The following LRRC37A3 variants were observed in gnomAD, a reference collection of about 807,000 sequenced individuals.
The protein encoded by LRRC37A3 is leucine-rich repeat-containing protein 37A3.
In LRRC37A3, 25 loss-of-function variants were observed where a neutral mutation model predicts 106.2. The observed-to-expected ratio is 0.24, with a 90% CI of 0.17 to 0.33. LRRC37A3 has a LOEUF of 0.33. LRRC37A3 is among the 10% of genes least tolerant of loss of function. LRRC37A3 has a pLI of 1.00. For missense variants in LRRC37A3, 712 were observed against 1,644.9 expected, an observed-to-expected ratio of 0.43 and a Z score of 9.81; for synonymous variants, 305 against 635.8, an observed-to-expected ratio of 0.48 and a Z score of 7.83.
At chr17:64,913,336 GGT>G (rs1974631994) in intron 2 of LRRC37A3, among the ~76,000 whole-genome samples, 3 of 125,418 alleles carry the variant, frequency 2.4e-5, no homozygotes, top group African/African-American at 9.6e-5. Flanking sequence ...GCCTATTTTG[GGT>G]TTTTTTTTTT....
chr17:64,916,421 A>C (rs1035498955), intron 2 of LRRC37A3, among the ~76,000 whole-genome samples: 18 of 152,086 alleles, frequency 1.2e-4, no homozygotes, highest in Non-Finnish European at 2.1e-4. Context: ...TAAATAAATA[A>C]AATAAAATAA....
intron 2 of LRRC37A3, among the ~76,000 whole-genome samples, chr17:64,910,804 G>A (rs1350188277): frequency 6.7e-6 from 1 of 148,940 alleles, no homozygotes; most frequent in Non-Finnish European, 1.5e-5. Flanking sequence ...ACCACACCCG[G>A]CTAATTTTTA....
chr17:64,888,405 T>TA (rs1395617109), intron 6 of LRRC37A3, among the ~76,000 whole-genome samples: 1 of 151,810 alleles, frequency 6.6e-6, no homozygotes, highest in Non-Finnish European at 1.5e-5. Flanking sequence ...AGTTATTTTT[T>TA]ATCCCATTTC....
chr17:64,918,943 G>A, intron 1 of LRRC37A3, 73 bp from the exon 2 acceptor site: 4 of 1,023,342 alleles, frequency 3.9e-6, no homozygotes, highest in East Asian at 3.5e-5. Context: ...GTTGACGGCC[G>A]TCCGGACCTG....
intron 8 of LRRC37A3, among the ~76,000 whole-genome samples, chr17:64,874,693 G>A (rs1466400329): frequency 6.6e-6 from 1 of 152,250 alleles, no homozygotes; most frequent in Admixed American, 6.5e-5. Flanking sequence ...AAATCAGATT[G>A]TTGCTGTGTC....
intron 10 of LRRC37A3, among the ~76,000 whole-genome samples, chr17:64,864,024 T>TC (rs766758927): frequency 6.6e-5 from 10 of 150,670 alleles, no homozygotes; most frequent in Non-Finnish European, 1.3e-4. Context: ...TGACAGAGTT[T>TC]CCCCATGTTG....
At chr17:64,881,097 C>T in intron 8 of LRRC37A3, 1 of 700,856 alleles carries the variant, frequency 1.4e-6, no homozygotes, top group Non-Finnish European at 2.6e-6. Context: ...TAACCTCTTT[C>T]CTTTATTCAT....
intron 5 of LRRC37A3, among the ~76,000 whole-genome samples, chr17:64,891,245 AAACTC>A (rs1973946789): frequency 9.3e-6 from 1 of 108,012 alleles, no homozygotes; most frequent in Non-Finnish European, 1.7e-5. Flanking sequence ...AAAGGCCAGA[AAACTC>A]AGAGAAGAAA....
Position 64,855,916 on chromosome 17 carries a change from A to C in LRRC37A3, c.4810-27T>G, listed in dbSNP as rs557030427. The C allele has an allele frequency of 3.0e-5, 49 of 1,611,594 alleles. 1 individual carries two copies. In the South Asian group the frequency reaches 5.3e-4, roughly 17 times the overall value. ...TGTTTTAGAAGAAAACGCAATTAAG[A>C]TTATCTATGACAACAACCACCATCT... On this transcript the variant is annotated intron_variant, in intron 13 of 14. Coordinates refer to ENST00000584306, the MANE Select transcript of LRRC37A3 (RefSeq NM_199340.5).
At position 64,858,313 on chromosome 17, in the gene LRRC37A3, C is replaced by T. The variant is rs566358131; in HGVS notation, c.4809+466G>A. On this transcript the variant is annotated intron_variant, in intron 13 of 14. Coordinates refer to ENST00000584306, the MANE Select transcript of LRRC37A3 (RefSeq NM_199340.5). ...AGACAATGCCTTACACACTGGAGGA[C>T]GATACTGTGTAAATCTAATAAGTCT... is the stretch of plus-strand genomic sequence containing the variant. 2.9e-4 allele frequency among the ~76,000 whole-genome samples: 44 copies of T among 152,296 alleles called. No homozygotes were observed. The East Asian group carries it at 3.7e-3, about 13-fold the overall frequency.
chr17:64,913,402 G>A (rs1236100310), intron 2 of LRRC37A3, among the ~76,000 whole-genome samples: 1 of 149,912 alleles, frequency 6.7e-6, no homozygotes, highest in East Asian at 2.0e-4. Flanking sequence ...GTGCAGTGGC[G>A]TGATCTCGGC....
intron 8 of LRRC37A3, among the ~76,000 whole-genome samples, chr17:64,869,447 C>G (rs1214964683): frequency 6.6e-5 from 10 of 151,802 alleles, no homozygotes; most frequent in Admixed American, 6.6e-4. Context: ...GGTCAAAAAC[C>G]CTAAAAGTGA....
At chr17:64,866,589 CATATATATATATATATATAT>C (rs1212670512) in intron 10 of LRRC37A3, among the ~76,000 whole-genome samples, 3 of 24,142 alleles carry the variant, frequency 1.2e-4, no homozygotes, top group South Asian at 3.0e-3. Flanking sequence ...TATACACGTA[CATATATATATATATATATAT>C]ATATATATAT....
At chr17:64,900,997 G>C (rs1974292251) in intron 2 of LRRC37A3, 1 of 150,726 alleles carries the variant, frequency 6.6e-6, no homozygotes, top group East Asian at 1.9e-4. Context: ...TCAGCCTCCA[G>C]AGTAGCAGGC....
intron 8 of LRRC37A3, among the ~76,000 whole-genome samples, chr17:64,882,505 G>A (rs1386296959): frequency 6.6e-6 from 1 of 152,134 alleles, no homozygotes. Flanking sequence ...GGACAGACTC[G>A]AGTTGTTCTT....
At chr17:64,869,729 C>T (rs1167118960) in intron 8 of LRRC37A3, among the ~76,000 whole-genome samples, 19 of 151,854 alleles carry the variant, frequency 1.3e-4, no homozygotes, top group African/African-American at 4.1e-4. Context: ...TTAGTAGAGA[C>T]GGGGTTTTAC....
At chr17:64,856,411 G>A (rs886465440) in intron 13 of LRRC37A3, among the ~76,000 whole-genome samples, 93 of 148,224 alleles carry the variant, frequency 6.3e-4, no homozygotes, top group African/African-American at 2.4e-3. Flanking sequence ...ATAAAGACAA[G>A]GTCTCACTAT....
chr17:64,863,924 C>T (rs1972967037), intron 10 of LRRC37A3, among the ~76,000 whole-genome samples: 2 of 151,888 alleles, frequency 1.3e-5, no homozygotes, highest in Non-Finnish European at 1.5e-5. Flanking sequence ...CCAAATTCAG[C>T]CTCCTGAGTA....
chr17:64,909,609 C>T (rs1172336772), intron 2 of LRRC37A3: 6 of 152,120 alleles, frequency 3.9e-5, no homozygotes, highest in Admixed American at 6.5e-5. Flanking sequence ...GTTTGAAAAC[C>T]ACTGCTTTAA....
Sources: allele counts gnomAD v4.1 joint callset (sites outside exome capture counted in the v4.1 genomes callset), GRCh38; gene constraint gnomAD v4.1.1; transcripts MANE v1.5; gene names NCBI Gene and HGNC (gene_info 2026-07-23, HGNC 2026-07-21).